The following FBXO42 variants were observed in gnomAD, a reference collection of about 807,000 sequenced individuals.
FBXO42 encodes F-box protein 42.
Under a neutral mutation model 71.7 loss-of-function variants are expected in FBXO42, and 12 were observed. That is an observed-to-expected ratio of 0.17 (90% CI 0.11 to 0.27). The LOEUF (loss-of-function observed/expected upper bound fraction) is 0.27. FBXO42 is among the 10% of genes least tolerant of loss of function. The pLI is 1.00. For synonymous variants in FBXO42, 325 were observed against 327.5 expected, an observed-to-expected ratio of 0.99 and a Z score of 0.08; for missense variants, 707 against 911.9, an observed-to-expected ratio of 0.78 and a Z score of 2.89.
At chr1:16,332,564 C>T (rs1226048210) in intron 1 of FBXO42, among the ~76,000 whole-genome samples, 2 of 142,212 alleles carry the variant, frequency 1.4e-5, no homozygotes, top group South Asian at 2.2e-4. Context: ...TTTTTTGAGA[C>T]GGAGTTGTTC....
intron 1 of FBXO42, among the ~76,000 whole-genome samples, chr1:16,349,489 C>A (rs933878191): frequency 3.9e-5 from 6 of 152,306 alleles, no homozygotes; most frequent in Admixed American, 1.3e-4. Context: ...AGCACTTTCA[C>A]GAACACTATC....
At chr1:16,284,185 C>G (rs1303465118) in intron 4 of FBXO42, among the ~76,000 whole-genome samples, 1 of 152,170 alleles carries the variant, frequency 6.6e-6, no homozygotes, top group Non-Finnish European at 1.5e-5. Flanking sequence ...CTTTCTAGAA[C>G]CATTTGGCAA....
In FBXO42 at chr1:16,352,451, T is replaced by C. The variant is rs867562494; in HGVS notation, c.-214A>G. The C allele has an allele frequency of 3.0e-5, 12 of 398,376 alleles. No individual in the cohort carries two copies. The highest frequency in any genetic ancestry group is 1.3e-4 in the South Asian group (1 of 7,878). 24.7% of individuals were successfully genotyped at this position (398,376 alleles called of 1,614,324 possible). On this transcript the variant is annotated 5_prime_UTR_variant, in exon 1 of 10. Coordinates refer to ENST00000375592, the MANE Select transcript of FBXO42 (RefSeq NM_018994.3). ...CAAACGCCGCCGCCGCCGCAGCTGC[T>C]GCTGCTCAGGCCGGGAGAAGACAGC...
Position 16,252,660 on chromosome 1 carries a change from T to C in FBXO42, c.922-256A>G, listed in dbSNP as rs77779135. ...TGAATCAACTGAGTGGTTTTGACAC[T>C]TGCCCATAATTTTATGTGTATGTAT... On this transcript the variant is annotated intron_variant, in intron 8 of 9. Coordinates refer to ENST00000375592, the MANE Select transcript of FBXO42 (RefSeq NM_018994.3). The surrounding 1 kb of genome is among the most constrained non-coding windows in gnomAD (Gnocchi z 4.4). Among the ~76,000 whole-genome samples, 456 of 152,336 alleles carry C rather than the reference T, an allele frequency of 3.0e-3. 1 individual carries two copies. Among genetic ancestry groups the C allele is most frequent in the Non-Finnish European group, 4.5e-3 (306 of 68,026 alleles).
At chr1:16,316,730 C>CAAAAAAAAAAAAAAAAAAA (rs71003274) in intron 1 of FBXO42, among the ~76,000 whole-genome samples, 2 of 51,570 alleles carry the variant, frequency 3.9e-5, no homozygotes. Flanking sequence ...GAAAGACTCT[C>CAAAAAAAAAAAAAAAAAAA]AAAAAAAAAA....
At chr1:16,261,466 C>G (rs2081710502) in intron 4 of FBXO42, among the ~76,000 whole-genome samples, 1 of 152,148 alleles carries the variant, frequency 6.6e-6, no homozygotes, top group African/African-American at 2.4e-5. Flanking sequence ...TAGAATTTAT[C>G]TCCATGGCCT....
At chr1:16,288,389 C>G (rs1222057916) in intron 4 of FBXO42, among the ~76,000 whole-genome samples, 2 of 151,694 alleles carry the variant, frequency 1.3e-5, no homozygotes, top group Admixed American at 1.3e-4. Context: ...CAGATCGCAC[C>G]ACTGCACTCC....
intron 1 of FBXO42, among the ~76,000 whole-genome samples, chr1:16,340,709 A>T (rs1434704113): frequency 6.6e-6 from 1 of 152,182 alleles, no homozygotes; most frequent in Non-Finnish European, 1.5e-5. Flanking sequence ...TTTTCTTACA[A>T]TGCTTTATAC....
chr1:16,312,383 A>G (rs933584488), intron 2 of FBXO42, among the ~76,000 whole-genome samples: 4 of 152,124 alleles, frequency 2.6e-5, no homozygotes, highest in South Asian at 2.1e-4. Context: ...AGGAAACTTA[A>G]ATGCAAATAT....
chr1:16,258,913 A>T (rs1239521434), intron 4 of FBXO42, among the ~76,000 whole-genome samples: 2 of 151,888 alleles, frequency 1.3e-5, no homozygotes, highest in Non-Finnish European at 2.9e-5. Context: ...AATTTTTAAA[A>T]TTTTTTTGTT....
At chr1:16,277,680 C>T (rs890103725) in intron 4 of FBXO42, among the ~76,000 whole-genome samples, 6 of 148,468 alleles carry the variant, frequency 4.0e-5, no homozygotes, top group African/African-American at 1.5e-4. Flanking sequence ...AGCCGAAATT[C>T]GCCACTGCAC....
intron 1 of FBXO42, among the ~76,000 whole-genome samples, chr1:16,329,060 G>A (rs1420406063): frequency 6.6e-6 from 1 of 151,584 alleles, no homozygotes; most frequent in Non-Finnish European, 1.5e-5. Context: ...CTACTCAGGA[G>A]GCTGAGGCAC....
At chr1:16,349,132 GA>G (rs34802671) in intron 1 of FBXO42, among the ~76,000 whole-genome samples, 39,557 of 152,024 alleles carry the variant, frequency 0.26, 5,898 homozygotes, top group Non-Finnish European at 0.34. Flanking sequence ...AATAAAAGGG[GA>G]AAAGAACCCA....
intron 4 of FBXO42, among the ~76,000 whole-genome samples, chr1:16,279,028 G>A (rs2081933807): frequency 1.3e-5 from 2 of 152,140 alleles, no homozygotes; most frequent in South Asian, 4.2e-4. Flanking sequence ...TGCCTGGGTC[G>A]GCCTCCCAAA....
chr1:16,345,569 G>A (rs1014644819), intron 1 of FBXO42, among the ~76,000 whole-genome samples: 2 of 151,804 alleles, frequency 1.3e-5, no homozygotes, highest in East Asian at 1.9e-4. Context: ...ACACTGAGTC[G>A]CCAGGCGCGG....
intron 1 of FBXO42, among the ~76,000 whole-genome samples, chr1:16,343,299 T>C (rs985397489): frequency 1.4e-4 from 21 of 152,142 alleles, no homozygotes; most frequent in Admixed American, 1.1e-3. Context: ...ATGCCAACAC[T>C]TTAGGTCAAG....
intron 4 of FBXO42, among the ~76,000 whole-genome samples, chr1:16,291,796 C>T (rs2082082022): frequency 6.6e-6 from 1 of 151,920 alleles, no homozygotes; most frequent in African/African-American, 2.4e-5. Flanking sequence ...CTCAACCTCT[C>T]AAGTAGCTAG....
intron 4 of FBXO42, among the ~76,000 whole-genome samples, chr1:16,261,711 T>G (rs546750781): frequency 9.2e-5 from 14 of 152,194 alleles, no homozygotes; most frequent in Admixed American, 7.2e-4. Flanking sequence ...TCAATTTTTT[T>G]TTTTTGTTTT....
At chr1:16,313,332 G>GA (rs2082333752) in intron 2 of FBXO42, among the ~76,000 whole-genome samples, 772 of 61,472 alleles carry the variant, frequency 0.013, 9 homozygotes, top group African/African-American at 0.03. Flanking sequence ...AACAAAGAAA[G>GA]AAAGAAAGAA....
Sources: allele counts gnomAD v4.1 joint callset (sites outside exome capture counted in the v4.1 genomes callset), GRCh38; gene constraint gnomAD v4.1.1; non-coding constraint Gnocchi (gnomAD v3.1); transcripts MANE v1.5; gene names NCBI Gene and HGNC (gene_info 2026-07-23, HGNC 2026-07-21).